The following REV1 variants were observed in gnomAD, a reference collection of about 807,000 sequenced individuals.
REV1 encodes the protein REV1 DNA directed polymerase, also known as translesion synthesis protein REV1.
A neutral mutation model predicts 137.4 loss-of-function variants in REV1; 42 were observed. The ratio of observed to expected loss-of-function variants is 0.31; its 90% CI spans 0.24 to 0.40. REV1 has a LOEUF of 0.40. REV1 is among the 10% of genes least tolerant of loss of function. REV1 has a pLI of 1.00. For synonymous variants in REV1, 524 were observed against 519.2 expected (o/e 1.01, Z -0.12); for missense variants, 1,282 against 1,490.1 (o/e 0.86, Z 2.30).
intron 3 of REV1, among the ~76,000 whole-genome samples, chr2:99,461,899 T>G (rs1427429221): frequency 1.3e-5 from 2 of 152,092 alleles, no homozygotes; most frequent in African/African-American, 2.4e-5. Flanking sequence ...TCACCAAGAA[T>G]AAAGACTACA....
At chr2:99,416,929 A>G (rs1045373124) in intron 12 of REV1, among the ~76,000 whole-genome samples, 3 of 151,094 alleles carry the variant, frequency 2.0e-5, no homozygotes, top group Admixed American at 6.6e-5. Context: ...AAAAAAAAAA[A>G]AAAAGAAATA....
chr2:99,488,373 C>CA lies in REV1; in HGVS notation c.-11+1443dup, dbSNP rs1209303362. ...TTTAAAAGAGCAATTCCCATCTTTACAAAAAAAATTAAATATGTACGGTTT... is the reference window on the plus strand; with the variant it reads ...TTTAAAAGAGCAATTCCCATCTTTACAAAAAAAAATTAAATATGTACGGTTT... On this transcript the variant is annotated intron_variant, in intron 1 of 22. Transcript: ENST00000258428. 9.3e-5 allele frequency among the ~76,000 whole-genome samples: 11 copies of CA among 118,106 alleles called. 1 individual carries two copies. Among genetic ancestry groups the CA allele is most frequent in the African/African-American group, 2.4e-4 (8 of 33,060 alleles). The allele number at this position is 118,106 out of a possible 152,430, so 77.5% of individuals were successfully genotyped here.
chr2:99,418,680 C>G, intron 12 of REV1, 148 bp downstream of exon 12: 1 of 553,008 alleles, frequency 1.8e-6, no homozygotes, highest in East Asian at 3.0e-5. Flanking sequence ...TGCAGAATTC[C>G]AAATTTTGTT....
intron 14 of REV1, among the ~76,000 whole-genome samples, chr2:99,410,219 C>T (rs923820110): frequency 1.3e-5 from 2 of 152,132 alleles, no homozygotes; most frequent in African/African-American, 4.8e-5. Context: ...CCATGTTGGC[C>T]AGGCTGGTCT....
intron 17 of REV1, 154 bp downstream of exon 17, chr2:99,405,756 A>G: frequency 4.0e-6 from 2 of 493,842 alleles, no homozygotes; most frequent in Non-Finnish European, 6.7e-6. Context: ...TTTAGAATCC[A>G]ACATCATGAT....
chr2:99,469,582 G>A (rs755709347), intron 1 of REV1, among the ~76,000 whole-genome samples: 1 of 152,192 alleles, frequency 6.6e-6, no homozygotes, highest in African/African-American at 2.4e-5. Flanking sequence ...GAGGAGCCCA[G>A]GGATCCTGAA....
intron 4 of REV1, among the ~76,000 whole-genome samples, chr2:99,443,952 G>T (rs1351814683): frequency 6.6e-6 from 1 of 151,942 alleles, no homozygotes; most frequent in Non-Finnish European, 1.5e-5. Context: ...CCGAGTAGCT[G>T]GGACTACAGG....
intron 3 of REV1, among the ~76,000 whole-genome samples, chr2:99,456,540 A>C (rs1683559353): frequency 6.6e-6 from 1 of 152,318 alleles, no homozygotes; most frequent in East Asian, 1.9e-4. Context: ...AGCAGAAGGA[A>C]CTGCAAATTT....
At chr2:99,408,426 G>A (rs1387824253) in intron 14 of REV1, 1 of 212,810 alleles carries the variant, frequency 4.7e-6, no homozygotes, top group East Asian at 1.0e-4. Flanking sequence ...GTAGATTTTA[G>A]CTAACATATG....
intron 1 of REV1, among the ~76,000 whole-genome samples, chr2:99,476,892 C>T (rs745911239): frequency 1.2e-4 from 18 of 152,230 alleles, no homozygotes; most frequent in Non-Finnish European, 2.5e-4. Context: ...CGTAAGTGGA[C>T]TCTTCTGTGT....
At chr2:99,451,038 G>C (rs557334482) in intron 3 of REV1, among the ~76,000 whole-genome samples, 33 of 152,270 alleles carry the variant, frequency 2.2e-4, no homozygotes, top group Non-Finnish European at 3.5e-4. Flanking sequence ...TGAAACAGTA[G>C]AAATTAAACA....
rs199864152 is a variant in REV1, at chr2:99,434,305, A to G, written c.1438+27T>C. ...TCCAGAAGCCATCCACAGGAGCACT[A>G]AGACTTCAAAGAGAGCTCATTTGTA... On this transcript the variant is annotated intron_variant, in intron 8 of 22. Coordinates refer to ENST00000258428, the MANE Select transcript of REV1 (RefSeq NM_016316.4). The G allele has an allele frequency of 8.8e-6, 13 of 1,478,922 alleles. No homozygotes were observed. In the African/African-American group the frequency reaches 1.7e-4, roughly 19 times the overall value. The allele number at this position is 1,478,922 out of a possible 1,614,324, so 91.6% of individuals were successfully genotyped here.
In REV1 at chr2:99,462,542, T is replaced by G; in HGVS notation, c.135A>C (p.Ser45=). ...TGGCAACTCCACTAAAAATTGTAGATGAAGTCCCATCCTTCTGCATAGCAG... is the reference window on the plus strand; with the variant it reads ...TGGCAACTCCACTAAAAATTGTAGAGGAAGTCCCATCCTTCTGCATAGCAG... The part of the protein sequence containing the change: ...SDAAMQKDGT[S]STIFSGVAIY... Residue 45 remains serine (S), a synonymous_variant, in exon 3 of 23, where the codon TCA becomes TCC. Transcript: ENST00000258428. The G allele has an allele frequency of 6.2e-7, 1 of 1,613,786 alleles. No individual in the cohort carries two copies. Among genetic ancestry groups the G allele is most frequent in the Non-Finnish European group, 8.5e-7 (1 of 1,179,830 alleles).
chr2:99,436,143 G>A (rs749011725), intron 6 of REV1, among the ~76,000 whole-genome samples: 3 of 151,146 alleles, frequency 2.0e-5, no homozygotes, highest in Admixed American at 6.6e-5. Context: ...GTCAAAAAGT[G>A]CATCTTAAAA....
intron 13 of REV1, among the ~76,000 whole-genome samples, chr2:99,412,433 CTTTT>C (rs1035411493): frequency 8.6e-5 from 13 of 151,992 alleles, no homozygotes; most frequent in Middle Eastern, 3.2e-3. Flanking sequence ...TTTTTCTCAT[CTTTT>C]TTATTTTTTC....
At chr2:99,475,807 A>T (rs1685907735) in intron 1 of REV1, among the ~76,000 whole-genome samples, 1 of 152,006 alleles carries the variant, frequency 6.6e-6, no homozygotes, top group South Asian at 2.1e-4. Context: ...ACATGGTAAA[A>T]CCCCATCTCT....
chr2:99,462,681 G>GA (rs945379043), intron 2 of REV1, 59 bp from the exon 3 acceptor site: 10,216 of 1,351,692 alleles, frequency 7.6e-3, no homozygotes, highest in Non-Finnish European at 8.0e-3. Flanking sequence ...CCCCTTTTTT[G>GA]AAAAAAAAAA....
In REV1 at chr2:99,438,575, A is replaced by G. The variant is rs767581765; in HGVS notation, c.1213+26T>C. The G allele has an allele frequency of 2.6e-6, 4 of 1,545,966 alleles. 1 individual carries two copies. The South Asian group carries it at 4.5e-5, about 17-fold the overall frequency. On this transcript the variant is annotated intron_variant, in intron 6 of 22. Coordinates refer to ENST00000258428, the MANE Select transcript of REV1 (RefSeq NM_016316.4). ...AATGATCAAGCATGACTGTTTCTTA[A>G]GAAGACAATTTTAATAAGTATCTAC...
intron 4 of REV1, among the ~76,000 whole-genome samples, chr2:99,448,137 T>C (rs764341324): frequency 2.0e-5 from 3 of 152,174 alleles, no homozygotes; most frequent in Non-Finnish European, 2.9e-5. Context: ...TGCGGCTAAA[T>C]ACACTATACA....
Sources: allele counts gnomAD v4.1 joint callset (sites outside exome capture counted in the v4.1 genomes callset), GRCh38; gene constraint gnomAD v4.1.1; transcripts MANE v1.5; gene names NCBI Gene and HGNC (gene_info 2026-07-23, HGNC 2026-07-21).